Variants in SRPK2 observed in about 807,000 individuals in gnomAD.
The protein encoded by SRPK2 is SRSF protein kinase 2, also known as SFRS protein kinase 2.
Under a neutral mutation model 90.8 loss-of-function variants are expected in SRPK2, and 21 were observed. The ratio of observed to expected loss-of-function variants is 0.23; its 90% CI spans 0.16 to 0.33. SRPK2 has a LOEUF of 0.33. Ranked by LOEUF, SRPK2 falls within the 10% of genes least tolerant of loss-of-function variation. The pLI is 1.00. For synonymous variants in SRPK2, 288 were observed against 311.1 expected (o/e 0.93, Z 0.78); for missense variants, 620 against 869.0 (o/e 0.71, Z 3.60).
intron 2 of SRPK2, chr7:105,245,070 CA>C: frequency 1.7e-6 from 1 of 595,600 alleles, no homozygotes; most frequent in East Asian, 3.2e-5. Flanking sequence ...CACACACACA[CA>C]CACCTCTTTT....
intron 2 of SRPK2, among the ~76,000 whole-genome samples, chr7:105,366,254 C>A (rs9969144): frequency 0.03 from 4,547 of 152,122 alleles, 250 homozygotes; most frequent in African/African-American, 0.1. Context: ...AATTATCAAA[C>A]CATCTTTTGC....
chr7:105,370,439 C>A (rs920715919), intron 2 of SRPK2, among the ~76,000 whole-genome samples: 1 of 152,076 alleles, frequency 6.6e-6, no homozygotes, highest in Admixed American at 6.6e-5. Context: ...TTAATGCATT[C>A]AATCATGTCA....
chr7:105,223,482 A>G lies in SRPK2; in HGVS notation c.72-19697T>C, dbSNP rs536597703. 5.9e-4 allele frequency among the ~76,000 whole-genome samples: 90 copies of G among 152,348 alleles called. 1 individual carries two copies. Among genetic ancestry groups the G allele is most frequent in the Non-Finnish European group, 1.0e-3 (70 of 68,042 alleles). Reference sequence around the variant, plus strand: ...AGCTCAACCTTGTGTCTTCTACCCTATAAAAAGCCATTCTTCCTTATTTTA... The same window carrying G: ...AGCTCAACCTTGTGTCTTCTACCCTGTAAAAAGCCATTCTTCCTTATTTTA... On this transcript the variant is annotated intron_variant, in intron 2 of 15. Transcript: ENST00000393651.
rs575825652 is a variant in SRPK2 at position 105,329,212 on chromosome 7, T to G, written c.71+59436A>C. ...CACACTGCCTATTAGTCATCTAATTTATTCTCTCACCCTAAAAGAAAGCTC... is the reference window on the plus strand; with the variant it reads ...CACACTGCCTATTAGTCATCTAATTGATTCTCTCACCCTAAAAGAAAGCTC... On this transcript the variant is annotated intron_variant, in intron 2 of 15. Coordinates refer to ENST00000393651, the MANE Select transcript of SRPK2 (RefSeq NM_182692.3). Among the ~76,000 whole-genome samples the G allele has an allele frequency of 2.6e-5, 4 of 152,272 alleles. No individual in the cohort carries two copies. In the South Asian group the frequency reaches 8.3e-4, roughly 32 times the overall value.
chr7:105,176,557 A>ATGTGTGTGTGTGTGTG (rs10691783), intron 3 of SRPK2, among the ~76,000 whole-genome samples: 2 of 148,134 alleles, frequency 1.4e-5, no homozygotes, highest in African/African-American at 5.0e-5. Flanking sequence ...TTTTGCATAT[A>ATGTGTGTGTGTGTGTG]TGTGTGTGTG....
intron 3 of SRPK2, among the ~76,000 whole-genome samples, chr7:105,185,168 T>C (rs556758115): frequency 1.2e-4 from 18 of 152,102 alleles, no homozygotes; most frequent in South Asian, 2.1e-4. Flanking sequence ...GATCTTAGAA[T>C]GAGAAAGTCT....
chr7:105,201,076 C>A (rs984182783), intron 3 of SRPK2, among the ~76,000 whole-genome samples: 2 of 152,082 alleles, frequency 1.3e-5, no homozygotes, highest in African/African-American at 4.8e-5. Flanking sequence ...CTCAACCAGT[C>A]CTGGCAGAGG....
chr7:105,310,941 T>A (rs540150310), intron 2 of SRPK2, among the ~76,000 whole-genome samples: 1 of 152,192 alleles, frequency 6.6e-6, no homozygotes, highest in East Asian at 1.9e-4. Context: ...TTAACGTCAA[T>A]TGCTTCAGAC....
At position 105,247,529 on chromosome 7, in the gene SRPK2, T is replaced by TAAAC. The variant is rs1801849037; in HGVS notation, c.72-43748_72-43745dup. ...ACATACCAAAAAACACACACACACA[T>TAAAC]AAACACACACACACACACACACACA... On this transcript the variant is annotated intron_variant, in intron 2 of 15. Transcript: ENST00000393651. Among the ~76,000 whole-genome samples, 2 of 46,196 alleles carry TAAAC rather than the reference T, an allele frequency of 4.3e-5. 1 individual carries two copies. The highest frequency in any genetic ancestry group is 7.0e-5 in the African/African-American group (2 of 28,452). The allele number at this position is 46,196 out of a possible 152,430, so 30.3% of individuals were successfully genotyped here.
chr7:105,243,808 C>A (rs1355581414), intron 2 of SRPK2, among the ~76,000 whole-genome samples: 1 of 152,108 alleles, frequency 6.6e-6, no homozygotes, highest in Non-Finnish European at 1.5e-5. Context: ...TAAGAATCTG[C>A]AGCTCAGCAG....
intron 2 of SRPK2, among the ~76,000 whole-genome samples, chr7:105,258,802 T>C (rs1295053239): frequency 6.6e-6 from 1 of 152,152 alleles, no homozygotes; most frequent in Non-Finnish European, 1.5e-5. Flanking sequence ...ATTATCTCGA[T>C]AGATGCAGAA....
At chr7:105,344,881 A>G (rs1044349112) in intron 2 of SRPK2, among the ~76,000 whole-genome samples, 3 of 151,452 alleles carry the variant, frequency 2.0e-5, no homozygotes, top group African/African-American at 7.3e-5. Context: ...TAACACCTGT[A>G]ATCCCAACAC....
intron 2 of SRPK2, among the ~76,000 whole-genome samples, chr7:105,359,382 A>G (rs941169474): frequency 7.9e-5 from 12 of 151,916 alleles, no homozygotes; most frequent in African/African-American, 2.9e-4. Context: ...ATGGCCTCGA[A>G]GTCCTGACCT....
At chr7:105,364,508 C>T (rs1406469993) in intron 2 of SRPK2, among the ~76,000 whole-genome samples, 1 of 150,708 alleles carries the variant, frequency 6.6e-6, no homozygotes, top group Non-Finnish European at 1.5e-5. Context: ...TCAAGCGCTT[C>T]TCCTGCCTCA....
At chr7:105,279,355 C>G (rs1363946689) in intron 2 of SRPK2, among the ~76,000 whole-genome samples, 1 of 152,176 alleles carries the variant, frequency 6.6e-6, no homozygotes, top group South Asian at 2.1e-4. Flanking sequence ...TTTTCTGTCA[C>G]TTTTAAAATT....
downstream of SRPK2, among the ~76,000 whole-genome samples, chr7:105,115,794 C>A (rs1331780960): frequency 2.0e-5 from 3 of 152,232 alleles, no homozygotes; most frequent in African/African-American, 4.8e-5. Context: ...AAATTTCATT[C>A]AAGTATACTA....
intron 2 of SRPK2, among the ~76,000 whole-genome samples, chr7:105,360,735 G>A (rs902596579): frequency 1.3e-4 from 20 of 152,132 alleles, no homozygotes; most frequent in Non-Finnish European, 2.2e-4. Context: ...CGAGAGATCC[G>A]CCGTTAGTCT....
rs764751262 is a variant in SRPK2, at chr7:105,117,500, T to C, written c.*338A>G. On this transcript the variant is annotated 3_prime_UTR_variant, in exon 16 of 16. Transcript: ENST00000393651. ...CTCAGCTAAAATATTTCTTCATAAA[T>C]AGTTACAAAACCTGCCAAAACACAA... 8 of 273,970 alleles carry C rather than the reference T, an allele frequency of 2.9e-5. No individual in the cohort carries two copies. Among genetic ancestry groups the C allele is most frequent in the Admixed American group, 5.2e-5 (1 of 19,212 alleles). 17.0% of individuals were successfully genotyped at this position (273,970 alleles called of 1,614,324 possible).
At chr7:105,181,897 C>CAA (rs1408159019) in intron 3 of SRPK2, among the ~76,000 whole-genome samples, 3 of 133,712 alleles carry the variant, frequency 2.2e-5, no homozygotes, top group East Asian at 2.1e-4. Context: ...AAAAAAAAAA[C>CAA]AGAAAACACA....
Sources: gnomAD v4.1 joint callset for allele counts (sites outside exome capture counted in the v4.1 genomes callset) on GRCh38, gnomAD v4.1.1 for gene constraint, MANE v1.5 for transcripts, NCBI Gene and HGNC (gene_info 2026-07-23, HGNC 2026-07-21) for gene names.